Variants in CADM2 observed in about 807,000 individuals in gnomAD.
CADM2 encodes immunoglobulin superfamily member 4D.
A neutral mutation model predicts 49.8 loss-of-function variants in CADM2; 12 were observed. The ratio of observed to expected loss-of-function variants is 0.24; its 90% confidence interval spans 0.15 to 0.39. The LOEUF is 0.39. Ranked by LOEUF, CADM2 falls within the 10% of genes least tolerant of loss-of-function variation. CADM2 has a pLI of 1.00. For missense variants in CADM2, 378 were observed against 492.3 expected (o/e 0.77, Z 2.20); for synonymous variants, 214 against 175.4 (o/e 1.22, Z -1.74).
intron 8 of CADM2, among the ~76,000 whole-genome samples, chr3:85,988,931 G>A (rs1270432062): frequency 2.6e-5 from 4 of 152,166 alleles, no homozygotes; most frequent in African/African-American, 9.7e-5. Flanking sequence ...CAGAGTCATT[G>A]AGAAGCATGT....
intron 1 of CADM2, among the ~76,000 whole-genome samples, chr3:85,253,676 C>T (rs967837096): frequency 1.3e-5 from 2 of 152,020 alleles, no homozygotes; most frequent in Non-Finnish European, 2.9e-5. Flanking sequence ...TCTTGCTTAG[C>T]CTTACATACT....
chr3:86,053,226 A>G (rs1039413165), intron 8 of CADM2, among the ~76,000 whole-genome samples: 1 of 152,176 alleles, frequency 6.6e-6, no homozygotes, highest in Non-Finnish European at 1.5e-5. Context: ...GAAATATCCT[A>G]GTTCATTTTT....
chr3:85,866,522 T>A (rs182098451), intron 3 of CADM2, among the ~76,000 whole-genome samples: 141 of 152,296 alleles, frequency 9.3e-4, no homozygotes, highest in Admixed American at 2.6e-3. Flanking sequence ...CATGTTGTTT[T>A]GCAATTATCA....
At chr3:85,363,733 TC>T (rs1559801257) in intron 1 of CADM2, among the ~76,000 whole-genome samples, 1 of 152,214 alleles carries the variant, frequency 6.6e-6, no homozygotes, top group Admixed American at 6.5e-5. Context: ...TGCCTCAGCC[TC>T]CCGAATAGCT....
Position 85,208,833 on chromosome 3 carries a change from A to G in CADM2, c.61+249165A>G, listed in dbSNP as rs531500604. ...GCAGTTGGAACAACAAGCATATCCA[A>G]TGATTTAAAAATAACATTCACGGGT... On this transcript the variant is annotated intron_variant, in intron 1 of 9. Transcript: ENST00000383699. 8.5e-5 allele frequency among the ~76,000 whole-genome samples: 13 copies of G among 152,308 alleles called. No individual in the cohort carries two copies. In the East Asian group the frequency reaches 1.4e-3, roughly 16 times the overall value.
chr3:85,759,970 C>A (rs2069296122), intron 2 of CADM2, among the ~76,000 whole-genome samples: 1 of 152,060 alleles, frequency 6.6e-6, no homozygotes, highest in African/African-American at 2.4e-5. Flanking sequence ...AACATATAGA[C>A]TTTAAGTACA....
chr3:85,789,829 C>A (rs1226743319), intron 2 of CADM2, among the ~76,000 whole-genome samples: 1 of 151,948 alleles, frequency 6.6e-6, no homozygotes, highest in Admixed American at 6.6e-5. Flanking sequence ...GGTGTGTAAA[C>A]AAGTTTGTGT....
At position 85,886,085 on chromosome 3, in the gene CADM2, T is replaced by G. The variant is rs557101487; in HGVS notation, c.392-105T>G. The G allele has an allele frequency of 1.1e-5, 16 of 1,511,642 alleles. No homozygotes were observed. In the South Asian group the frequency reaches 1.7e-4, roughly 16 times the overall value. The allele number at this position is 1,511,642 out of a possible 1,614,324, so 93.6% of individuals were successfully genotyped here. A position where few individuals can be genotyped will look rare whatever the true frequency, so the allele number is the denominator to read the frequency against. ...AGTTTGTTCATCTTGATCGAACTTC[T>G]TGTCAATTAACCATCCAGTTCAGTT... On this transcript the variant is annotated intron_variant, in intron 4 of 9. Coordinates refer to ENST00000383699, the MANE Select transcript of CADM2 (RefSeq NM_001167675.2).
At chr3:85,873,241 A>G (rs2075997134) in intron 3 of CADM2, among the ~76,000 whole-genome samples, 1 of 152,240 alleles carries the variant, frequency 6.6e-6, no homozygotes. Context: ...CATAGCATTA[A>G]CAAAACTACT....
intron 1 of CADM2, among the ~76,000 whole-genome samples, chr3:85,618,052 ATTCTT>A (rs1473430353): frequency 3.9e-5 from 6 of 152,206 alleles, no homozygotes; most frequent in African/African-American, 1.2e-4. Flanking sequence ...ACATACAGTC[ATTCTT>A]TTCTTTAGGA....
At chr3:85,383,551 CAT>C (rs1257403374) in intron 1 of CADM2, among the ~76,000 whole-genome samples, 4 of 132,792 alleles carry the variant, frequency 3.0e-5, no homozygotes, top group Admixed American at 3.0e-4. Flanking sequence ...TATATATATA[CAT>C]ATAAACATTT....
intron 1 of CADM2, among the ~76,000 whole-genome samples, chr3:85,074,034 G>A (rs1362129689): frequency 2.0e-5 from 3 of 151,870 alleles, no homozygotes; most frequent in East Asian, 1.9e-4. Flanking sequence ...AAAAATTCCC[G>A]GTTGCATTAG....
At chr3:86,053,772 A>G (rs1016260245) in intron 8 of CADM2, among the ~76,000 whole-genome samples, 10 of 152,152 alleles carry the variant, frequency 6.6e-5, no homozygotes, top group Admixed American at 5.9e-4. Context: ...TTATGAAAAT[A>G]GTAACTATTT....
At chr3:85,503,509 A>T (rs1490968182) in intron 1 of CADM2, among the ~76,000 whole-genome samples, 1 of 152,238 alleles carries the variant, frequency 6.6e-6, no homozygotes, top group Non-Finnish European at 1.5e-5. Context: ...AACACAATCT[A>T]GATCATGCTG....
chr3:85,675,381 A>G (rs1195713055), intron 1 of CADM2, among the ~76,000 whole-genome samples: 4 of 152,184 alleles, frequency 2.6e-5, no homozygotes, highest in African/African-American at 7.2e-5. Context: ...TTACTTTTAA[A>G]TGTAGCTATT....
intron 1 of CADM2, among the ~76,000 whole-genome samples, chr3:85,442,423 G>T (rs1460953240): frequency 6.6e-6 from 1 of 151,300 alleles, no homozygotes; most frequent in Non-Finnish European, 1.5e-5. Flanking sequence ...GATGTCAAGG[G>T]CATTGATTTG....
rs1224808238 is a variant in CADM2, at chr3:85,809,761, TCC to T, written c.238+7567_238+7568del. Among the ~76,000 whole-genome samples, 129 of 68,558 alleles carry T rather than the reference TCC, an allele frequency of 1.9e-3. 3 individuals carry two copies. The highest frequency in any genetic ancestry group is 0.012 in the African/African-American group (119 of 9,540). The allele number at this position is 68,558 out of a possible 152,430, so 45.0% of individuals were successfully genotyped here. Reference sequence around the variant, plus strand: ...CCTCCCTCCTCTCTCCCTCCCTCCCTCCCTCTCTCTCTCTCTCTCTCTCTCTC... The same window carrying T: ...CCTCCCTCCTCTCTCCCTCCCTCCCTCTCTCTCTCTCTCTCTCTCTCTCTC... On this transcript the variant is annotated intron_variant, in intron 3 of 9. Transcript: ENST00000383699.
At chr3:85,739,521 A>T (rs1577201267) in intron 2 of CADM2, among the ~76,000 whole-genome samples, 1 of 152,094 alleles carries the variant, frequency 6.6e-6, no homozygotes, top group Non-Finnish European at 1.5e-5. Context: ...ATAATTAGAG[A>T]AGAGGAAAAA....
rs566724253 is a variant in CADM2 at position 86,070,215 on chromosome 3, T to C, written c.*3432T>C. The C allele has an allele frequency of 1.3e-5, 2 of 152,090 alleles. No individual in the cohort carries two copies. Among genetic ancestry groups the C allele is most frequent in the South Asian group, 4.1e-4 (2 of 4,830 alleles). The allele number at this position is 152,090 out of a possible 1,614,324, so 9.4% of individuals were successfully genotyped here. ...ATATGGCAAAGAAACTAACACCTCA[T>C]TTATTTTTATTTCTTTGTAAAAATA... On this transcript the variant is annotated 3_prime_UTR_variant, in exon 10 of 10. Transcript: ENST00000383699.
Sources: gnomAD v4.1 joint callset for allele counts (sites outside exome capture counted in the v4.1 genomes callset) on GRCh38, gnomAD v4.1.1 for gene constraint, MANE v1.5 for transcripts, NCBI Gene and HGNC (gene_info 2026-07-23, HGNC 2026-07-21) for gene names.